The following CTNNA3 variants were observed in gnomAD, a reference collection of about 807,000 sequenced individuals.
CTNNA3 encodes catenin alpha-3.
A neutral mutation model predicts 95.7 loss-of-function variants in CTNNA3; 76 were observed. That is an observed-to-expected ratio of 0.79 (90% CI 0.66 to 0.96). CTNNA3 has a LOEUF of 0.96. CTNNA3 is among the 40% of genes least tolerant of loss of function. The pLI, the probability that CTNNA3 is intolerant of heterozygous loss-of-function variation, is 0.00. For synonymous variants in CTNNA3, 431 were observed against 374.4 expected (o/e 1.15, Z -1.74); for missense variants, 1,191 against 1,089.8 (o/e 1.09, Z -1.31).
intron 14 of CTNNA3, among the ~76,000 whole-genome samples, chr10:66,099,684 C>T (rs75216559): frequency 0.031 from 4,715 of 152,156 alleles, 257 homozygotes; most frequent in African/African-American, 0.11. Context: ...AAATTATCTA[C>T]AATATAAAAT....
chr10:67,382,559 C>A (rs1843988066), intron 5 of CTNNA3, among the ~76,000 whole-genome samples: 2 of 152,168 alleles, frequency 1.3e-5, no homozygotes, highest in Non-Finnish European at 2.9e-5. Context: ...TTCTTGACAA[C>A]ATGGCTCTCA....
intron 9 of CTNNA3, among the ~76,000 whole-genome samples, chr10:66,646,312 G>A (rs990863604): frequency 5.3e-5 from 8 of 152,064 alleles, no homozygotes; most frequent in South Asian, 4.1e-4. Flanking sequence ...CCAGCACAAC[G>A]GATGGGACAG....
intron 7 of CTNNA3, among the ~76,000 whole-genome samples, chr10:67,019,417 C>G (rs184613427): frequency 1.3e-3 from 200 of 152,224 alleles, no homozygotes; most frequent in African/African-American, 4.6e-3. Flanking sequence ...AGGGTTTCTC[C>G]ACATTGGTCA....
chr10:66,615,299 G>A (rs944278672), intron 10 of CTNNA3, among the ~76,000 whole-genome samples: 1 of 151,988 alleles, frequency 6.6e-6, no homozygotes, highest in Non-Finnish European at 1.5e-5. Context: ...TCACACGTGA[G>A]CATGAAAATC....
chr10:66,945,637 C>A (rs989900555), intron 7 of CTNNA3, among the ~76,000 whole-genome samples: 1 of 152,182 alleles, frequency 6.6e-6, no homozygotes, highest in Non-Finnish European at 1.5e-5. Context: ...AACAACTTGG[C>A]TAGCTATTTG....
intron 5 of CTNNA3, among the ~76,000 whole-genome samples, chr10:67,481,096 A>AT (rs953192840): frequency 5.3e-5 from 8 of 151,846 alleles, no homozygotes; most frequent in African/African-American, 9.7e-5. Context: ...GGTGAATCAC[A>AT]TTTTTTTTGT....
intron 13 of CTNNA3, among the ~76,000 whole-genome samples, chr10:66,238,859 T>C (rs991034758): frequency 6.6e-6 from 1 of 152,008 alleles, no homozygotes; most frequent in Non-Finnish European, 1.5e-5. Context: ...TTGTTTTATG[T>C]GACCATGAAG....
intron 1 of CTNNA3, among the ~76,000 whole-genome samples, chr10:67,743,469 T>G (rs1240938257): frequency 2.0e-5 from 3 of 151,394 alleles, no homozygotes; most frequent in Admixed American, 1.3e-4. Context: ...TGCTAAAAAC[T>G]CTCAATAAAT....
intron 13 of CTNNA3, among the ~76,000 whole-genome samples, chr10:66,218,974 T>C (rs951075228): frequency 1.3e-5 from 2 of 152,208 alleles, no homozygotes; most frequent in Non-Finnish European, 2.9e-5. Context: ...GTAACTTCCA[T>C]TGTTCTCCTT....
chr10:66,222,862 T>C (rs2089045542), intron 13 of CTNNA3, among the ~76,000 whole-genome samples: 1 of 152,156 alleles, frequency 6.6e-6, no homozygotes. Context: ...ATAAAACTAA[T>C]TCTTTTCTAT....
intron 9 of CTNNA3, among the ~76,000 whole-genome samples, chr10:66,751,044 CG>C (rs1229756913): frequency 2.6e-4 from 39 of 152,166 alleles, no homozygotes; most frequent in African/African-American, 8.9e-4. Flanking sequence ...CCAAGGCGGG[CG>C]GATCACAAGG....
intron 13 of CTNNA3, among the ~76,000 whole-genome samples, chr10:66,275,713 T>A (rs1314763077): frequency 6.6e-6 from 1 of 152,142 alleles, no homozygotes; most frequent in Non-Finnish European, 1.5e-5. Context: ...GGTTAGTGAC[T>A]ATCTGAAACT....
chr10:66,665,215 AC>A (rs1168969664), intron 9 of CTNNA3, among the ~76,000 whole-genome samples: 2 of 19,852 alleles, frequency 1.0e-4, no homozygotes, highest in African/African-American at 8.1e-4. Flanking sequence ...AATGAAGCTT[AC>A]TTCAGCTCAT....
chr10:66,352,290 C>T (rs2132394798), intron 12 of CTNNA3, among the ~76,000 whole-genome samples: 1 of 152,164 alleles, frequency 6.6e-6, no homozygotes, highest in Non-Finnish European at 1.5e-5. Context: ...AATTGATTTT[C>T]AGGCAGAGCC....
At chr10:67,726,419 T>TATATATAA (rs1564841114) in intron 1 of CTNNA3, among the ~76,000 whole-genome samples, 4 of 49,900 alleles carry the variant, frequency 8.0e-5, no homozygotes, top group Non-Finnish European at 1.1e-4. Context: ...ATATATAATA[T>TATATATAA]TATATATTAT....
intron 10 of CTNNA3, among the ~76,000 whole-genome samples, chr10:66,548,780 C>G (rs141356060): frequency 6.6e-6 from 1 of 151,890 alleles, no homozygotes; most frequent in African/African-American, 2.4e-5. Flanking sequence ...AAATATGTAT[C>G]TTTCTTATAA....
chr10:67,043,799 C>A (rs994180917), intron 7 of CTNNA3, among the ~76,000 whole-genome samples: 1 of 152,058 alleles, frequency 6.6e-6, no homozygotes, highest in Middle Eastern at 3.2e-3. Context: ...TGCACAGCAA[C>A]TCAATAGCAC....
intron 11 of CTNNA3, among the ~76,000 whole-genome samples, chr10:66,447,013 C>A (rs1048362011): frequency 2.6e-5 from 4 of 151,694 alleles, no homozygotes; most frequent in Non-Finnish European, 5.9e-5. Flanking sequence ...AAATCACAAG[C>A]ATTCTTATAC....
intron 9 of CTNNA3, among the ~76,000 whole-genome samples, chr10:66,742,540 A>G (rs1849362466): frequency 6.6e-6 from 1 of 152,062 alleles, no homozygotes; most frequent in African/African-American, 2.4e-5. Context: ...TTTGAAAATC[A>G]CTAATAAAAA....
Sources: gnomAD v4.1 joint callset for allele counts (sites outside exome capture counted in the v4.1 genomes callset) on GRCh38, gnomAD v4.1.1 for gene constraint, MANE v1.5 for transcripts, NCBI Gene and HGNC (gene_info 2026-07-23, HGNC 2026-07-21) for gene names.